The following TXNDC12 variants were observed in gnomAD, a reference collection of about 807,000 sequenced individuals.
TXNDC12 encodes thioredoxin domain containing 12, also known as thioredoxin domain-containing protein 12.
TXNDC12 carries 22 observed loss-of-function variants against 24.2 expected under a neutral mutation model. The ratio of observed to expected loss-of-function variants is 0.91; its 90% CI spans 0.65 to 1.30. The LOEUF (loss-of-function observed/expected upper bound fraction) is 1.30, where lower values mean the gene tolerates loss of function less well. TXNDC12 is among the 50% of genes most tolerant of loss of function. TXNDC12 has a pLI of 0.00. For synonymous variants in TXNDC12, 58 were observed against 73.4 expected (o/e 0.79, Z 1.07); for missense variants, 184 against 205.8 (o/e 0.89, Z 0.65).
chr1:52,028,491 G>T, intron 3 of TXNDC12, 87 bp downstream of exon 3: 1 of 1,043,690 alleles, frequency 9.6e-7, no homozygotes. Context: ...CAGTAGTGCT[G>T]GGCCAGAGTC....
chr1:52,033,922 G>A, intron 2 of TXNDC12: 1 of 1,430,180 alleles, frequency 7.0e-7, no homozygotes, highest in Non-Finnish European at 9.1e-7. Flanking sequence ...GCTAGGCCCA[G>A]GTTCAGCTTT....
At chr1:52,040,460 T>C (rs1685964318) in intron 2 of TXNDC12, among the ~76,000 whole-genome samples, 1 of 152,202 alleles carries the variant, frequency 6.6e-6, no homozygotes, top group African/African-American at 2.4e-5. Flanking sequence ...GTGCTGGGAT[T>C]ACAGGCATGA....
At chr1:52,029,228 G>A (rs1271955968) in intron 2 of TXNDC12, among the ~76,000 whole-genome samples, 1 of 152,110 alleles carries the variant, frequency 6.6e-6, no homozygotes, top group Non-Finnish European at 1.5e-5. Context: ...GGATACAAAT[G>A]TATCTATAGT....
chr1:52,053,626 T>G (rs1201784131), intron 1 of TXNDC12, among the ~76,000 whole-genome samples: 1 of 152,128 alleles, frequency 6.6e-6, no homozygotes, highest in Non-Finnish European at 1.5e-5. Context: ...ATCATGCCAC[T>G]GGACTCCAGC....
intron 1 of TXNDC12, among the ~76,000 whole-genome samples, chr1:52,048,799 G>C (rs1686146581): frequency 6.6e-6 from 1 of 152,124 alleles, no homozygotes; most frequent in South Asian, 2.1e-4. Flanking sequence ...AGGGGTTGCA[G>C]TGAGCCAAGA....
chr1:52,049,859 AATTAT>A (rs1170684595), intron 1 of TXNDC12, among the ~76,000 whole-genome samples: 2 of 152,194 alleles, frequency 1.3e-5, no homozygotes, highest in Admixed American at 6.6e-5. Context: ...TTTATGTAAT[AATTAT>A]ATTATAGTAA....
intron 2 of TXNDC12, among the ~76,000 whole-genome samples, chr1:52,040,796 C>A (rs1163369289): frequency 6.6e-6 from 1 of 151,720 alleles, no homozygotes; most frequent in Non-Finnish European, 1.5e-5. Flanking sequence ...TTTGGGAGGC[C>A]GAGGCAGGTG....
At chr1:52,055,433 A>C, upstream of TXNDC12, 2 of 256,690 alleles carry the variant, frequency 7.8e-6, no homozygotes, top group Non-Finnish European at 1.5e-5. Context: ...GTTCGGGAGA[A>C]CCGTTGCTCC....
rs750190830 is a variant in TXNDC12 at position 52,023,593 on chromosome 1, CACAGAGTTTTGCAGTAATTACA to C, written c.356-41_356-20del. On this transcript the variant is annotated intron_variant, in intron 5 of 6. Coordinates refer to ENST00000371626, the MANE Select transcript of TXNDC12 (RefSeq NM_015913.4). ...CTGGGATCTGTTATAGACAAAATGA[CACAGAGTTTTGCAGTAATTACA>C]ACAGACAGGTACTTCAAACACTACC... 6.3e-7 allele frequency: 1 copy of C among 1,598,572 alleles called. No individual in the cohort carries two copies. The highest frequency in any genetic ancestry group is 1.1e-5 in the South Asian group (1 of 90,774).
intron 5 of TXNDC12, 72 bp downstream of exon 5, chr1:52,024,438 G>T (rs1333297760): frequency 1.7e-6 from 2 of 1,195,464 alleles, no homozygotes; most frequent in African/African-American, 1.5e-5. Context: ...TTCACTAGGT[G>T]AAGTCAGTGC....
intron 1 of TXNDC12, among the ~76,000 whole-genome samples, chr1:52,045,321 G>A (rs890408932): frequency 6.6e-6 from 1 of 152,152 alleles, no homozygotes; most frequent in African/African-American, 2.4e-5. Flanking sequence ...AACTGTAATG[G>A]TGGATACATA....
intron 6 of TXNDC12, among the ~76,000 whole-genome samples, chr1:52,022,351 G>A (rs1685609787): frequency 6.6e-6 from 1 of 152,104 alleles, no homozygotes. Flanking sequence ...TCAAAGATTA[G>A]AGAACAAAAA....
intron 1 of TXNDC12, chr1:52,050,811 C>A (rs534447226): frequency 1.2e-5 from 2 of 166,100 alleles, no homozygotes; most frequent in Non-Finnish European, 2.9e-5. Context: ...GGTAAACACA[C>A]TTCATATGTG....
At chr1:52,047,403 G>A (rs745344780) in intron 1 of TXNDC12, among the ~76,000 whole-genome samples, 6 of 152,048 alleles carry the variant, frequency 3.9e-5, no homozygotes, top group Non-Finnish European at 8.8e-5. Flanking sequence ...TGAAAAGACA[G>A]GAAGAAGTAT....
At chr1:52,029,691 T>C (rs1215784304) in intron 2 of TXNDC12, among the ~76,000 whole-genome samples, 1 of 152,230 alleles carries the variant, frequency 6.6e-6, no homozygotes, top group East Asian at 1.9e-4. Context: ...ATCTGACACA[T>C]ATATTATTGA....
chr1:52,045,103 C>A (rs1168584792), intron 1 of TXNDC12, among the ~76,000 whole-genome samples: 1 of 151,874 alleles, frequency 6.6e-6, no homozygotes, highest in African/African-American at 2.4e-5. Flanking sequence ...AATCAAGCCA[C>A]GAAAAGACAT....
chr1:52,020,681 C>A lies in TXNDC12; in HGVS notation c.*252G>T. 2.2e-6 allele frequency: 1 copy of A among 462,686 alleles called. No homozygotes were observed. The highest frequency in any genetic ancestry group is 3.8e-6 in the Non-Finnish European group (1 of 260,804). The allele number at this position is 462,686 out of a possible 1,614,324, so 28.7% of individuals were successfully genotyped here. On this transcript the variant is annotated 3_prime_UTR_variant, in exon 7 of 7. Coordinates refer to ENST00000371626, the MANE Select transcript of TXNDC12 (RefSeq NM_015913.4). The stretch of plus-strand genomic sequence containing the variant: ...TTGTGTCAGAAGGTTTCATTCTTTA[C>A]ATTCAATGACAAGTTGACATTTAGG...
chr1:52,048,700 T>C (rs1686143975), intron 1 of TXNDC12, among the ~76,000 whole-genome samples: 1 of 151,190 alleles, frequency 6.6e-6, no homozygotes, highest in Admixed American at 6.6e-5. Flanking sequence ...CTACCAAAAA[T>C]TTAAAAATTA....
chr1:52,037,529 T>C (rs566420639), intron 2 of TXNDC12, among the ~76,000 whole-genome samples: 1 of 152,192 alleles, frequency 6.6e-6, no homozygotes, highest in African/African-American at 2.4e-5. Flanking sequence ...ACTTTTTAAT[T>C]TGCCTTTGGT....
Sources: allele counts gnomAD v4.1 joint callset (sites outside exome capture counted in the v4.1 genomes callset), GRCh38; gene constraint gnomAD v4.1.1; transcripts MANE v1.5; gene names NCBI Gene and HGNC (gene_info 2026-07-23, HGNC 2026-07-21).